Variants in PDE7A observed in about 807,000 individuals in gnomAD.
PDE7A encodes high affinity 3',5'-cyclic-AMP phosphodiesterase 7A.
A neutral mutation model predicts 64.3 loss-of-function variants in PDE7A; 39 were observed. That is an observed-to-expected ratio of 0.61 (90% CI 0.47 to 0.79). PDE7A has a LOEUF of 0.79. PDE7A is among the 30% of genes least tolerant of loss of function. The pLI, the probability that PDE7A is intolerant of heterozygous loss-of-function variation, is 0.00. For missense variants in PDE7A, 470 were observed against 582.8 expected (o/e 0.81, Z 1.99); for synonymous variants, 203 against 206.8 (o/e 0.98, Z 0.16).
chr8:65,740,955 T>C (rs951240670), intron 5 of PDE7A, among the ~76,000 whole-genome samples: 7 of 152,230 alleles, frequency 4.6e-5, no homozygotes, highest in Admixed American at 6.5e-5. Context: ...AAAGAGCTGC[T>C]ACACGCAATG....
At chr8:65,737,305 G>T (rs186689348) in intron 6 of PDE7A, among the ~76,000 whole-genome samples, 1 of 151,948 alleles carries the variant, frequency 6.6e-6, no homozygotes, top group Non-Finnish European at 1.5e-5. Flanking sequence ...AGGATGAAGG[G>T]ATAAACAGCC....
chr8:65,724,207 AAAAAAATG>A (rs1190365501), intron 11 of PDE7A, 40 bp downstream of exon 11: 7 of 1,233,726 alleles, frequency 5.7e-6, no homozygotes, highest in Non-Finnish European at 7.1e-6. Flanking sequence ...ACGATGTTAA[AAAAAAATG>A]AACTGGATAG....
chr8:65,750,474 CTGTG>C lies in PDE7A; in HGVS notation c.284-2675_284-2672del, dbSNP rs371620919. Among the ~76,000 whole-genome samples the C allele has an allele frequency of 5.3e-3, 763 of 142,726 alleles. 4 individuals carry two copies. Among genetic ancestry groups the C allele is most frequent in the African/African-American group, 0.018 (700 of 38,184 alleles). The allele number at this position is 142,726 out of a possible 152,430, so 93.6% of individuals were successfully genotyped here. The stretch of plus-strand genomic sequence containing the variant: ...TATGTATATATGTAAATTAGAATCA[CTGTG>C]TGTGTGTGTGTGTGTGTGTGTGTGT... On this transcript the variant is annotated intron_variant, in intron 3 of 12. Transcript: ENST00000401827.
At chr8:65,819,629 A>G (rs1810492532) in intron 1 of PDE7A, among the ~76,000 whole-genome samples, 2 of 152,266 alleles carry the variant, frequency 1.3e-5, no homozygotes, top group African/African-American at 4.8e-5. Context: ...CAACTGATAC[A>G]TTACATAATC....
At chr8:65,840,858 G>A (rs927079777) in intron 1 of PDE7A, among the ~76,000 whole-genome samples, 5 of 152,260 alleles carry the variant, frequency 3.3e-5, no homozygotes, top group Non-Finnish European at 7.3e-5. Context: ...AGGAGTCGGG[G>A]AGACTACAGC....
At chr8:65,773,668 T>C (rs1226162864) in intron 3 of PDE7A, among the ~76,000 whole-genome samples, 1 of 152,238 alleles carries the variant, frequency 6.6e-6, no homozygotes, top group Non-Finnish European at 1.5e-5. Flanking sequence ...AACATTGATA[T>C]GTTTGGTCTT....
Position 65,769,287 on chromosome 8 carries a change from A to G in PDE7A, c.283+10433T>C, listed in dbSNP as rs543140490. Among the ~76,000 whole-genome samples, 5 of 151,544 alleles carry G rather than the reference A, an allele frequency of 3.3e-5. No homozygotes were observed. In the East Asian group the frequency reaches 7.7e-4, roughly 23 times the overall value. ...AAAAAAAAGTAACAGATGCATGCAC[A>G]TATTTTTTTTAAAAAATTGTTATGA... On this transcript the variant is annotated intron_variant, in intron 3 of 12. Transcript: ENST00000401827.
chr8:65,731,983 A>ATTG (rs1175396332), intron 7 of PDE7A, among the ~76,000 whole-genome samples: 61 of 143,242 alleles, frequency 4.3e-4, no homozygotes, highest in African/African-American at 1.3e-3. Context: ...TATTATTATT[A>ATTG]TTATTGTTGT....
rs1215535139 is a variant in PDE7A at position 65,841,803 on chromosome 8, G to A, written c.-295C>T. On this transcript the variant is annotated 5_prime_UTR_variant, in exon 1 of 13. Coordinates refer to ENST00000401827, the MANE Select transcript of PDE7A (RefSeq NM_001242318.3). ...GGGCCAGCACAGGCAAAGTCGGAAAGGGAACCCCGCCGCCCTGGGGCTCCT... is the reference window on the plus strand; with the variant it reads ...GGGCCAGCACAGGCAAAGTCGGAAAAGGAACCCCGCCGCCCTGGGGCTCCT... 1 of 154,192 alleles carries A rather than the reference G, an allele frequency of 6.5e-6. No individual in the cohort carries two copies. Among genetic ancestry groups the A allele is most frequent in the East Asian group, 1.9e-4 (1 of 5,138 alleles). 9.6% of individuals were successfully genotyped at this position (154,192 alleles called of 1,614,324 possible). A position where few individuals can be genotyped will look rare whatever the true frequency, so the allele number is the denominator to read the frequency against.
intron 3 of PDE7A, among the ~76,000 whole-genome samples, chr8:65,756,892 T>C (rs1300830446): frequency 2.0e-5 from 3 of 152,092 alleles, no homozygotes; most frequent in Non-Finnish European, 4.4e-5. Context: ...TCCTCCAGGA[T>C]TGTTTATTTT....
At chr8:65,763,115 T>C (rs1808595242) in intron 3 of PDE7A, among the ~76,000 whole-genome samples, 1 of 151,976 alleles carries the variant, frequency 6.6e-6, no homozygotes, top group African/African-American at 2.4e-5. Context: ...AAAATTAGAT[T>C]AATGTTATGT....
Position 65,835,946 on chromosome 8 carries a change from T to C in PDE7A, c.138+5425A>G, listed in dbSNP as rs147172355. Among the ~76,000 whole-genome samples the C allele has an allele frequency of 3.8e-3, 581 of 152,328 alleles. 10 individuals carry two copies. Among genetic ancestry groups the C allele is most frequent in the Admixed American group, 0.034 (522 of 15,302 alleles). ...ACACTATGGATTTACATTAATATTA[T>C]GTTTGAGCATGTATCTGAAATATAA... On this transcript the variant is annotated intron_variant, in intron 1 of 12. Coordinates refer to ENST00000401827, the MANE Select transcript of PDE7A (RefSeq NM_001242318.3).
intron 1 of PDE7A, among the ~76,000 whole-genome samples, chr8:65,833,669 A>G (rs1434363678): frequency 6.6e-6 from 1 of 152,200 alleles, no homozygotes; most frequent in Non-Finnish European, 1.5e-5. Flanking sequence ...GTAAAGATCA[A>G]AAACACCAAC....
intron 2 of PDE7A, among the ~76,000 whole-genome samples, chr8:65,782,368 T>C (rs1809442998): frequency 6.6e-6 from 1 of 152,214 alleles, no homozygotes; most frequent in South Asian, 2.1e-4. Flanking sequence ...AGAAGTCAAA[T>C]GGTCTTCCTT....
rs1447525531 is a variant in PDE7A, at chr8:65,718,174, G to C, written c.*1116C>G. 6.6e-6 allele frequency: 1 copy of C among 152,162 alleles called. No individual in the cohort carries two copies. The highest frequency in any genetic ancestry group is 1.5e-5 in the Non-Finnish European group (1 of 68,048). 9.4% of individuals were successfully genotyped at this position (152,162 alleles called of 1,614,324 possible). A position where few individuals can be genotyped will look rare whatever the true frequency, so the allele number is the denominator to read the frequency against. On this transcript the variant is annotated 3_prime_UTR_variant, in exon 13 of 13. Transcript: ENST00000401827. The stretch of plus-strand genomic sequence containing the variant: ...ACCTACCAACCTTCCCCTCCCCCGA[G>C]TGTGGCTGCTCATTATGTCACATTC...
rs1020176735 is a variant in PDE7A at position 65,715,048 on chromosome 8, A to G, written c.*4242T>C. Among the ~76,000 whole-genome samples the G allele has an allele frequency of 1.3e-5, 2 of 152,210 alleles. No homozygotes were observed. The highest frequency in any genetic ancestry group is 2.9e-5 in the Non-Finnish European group (2 of 68,046). On this transcript the variant is annotated 3_prime_UTR_variant, in exon 13 of 13. Coordinates refer to ENST00000401827, the MANE Select transcript of PDE7A (RefSeq NM_001242318.3). Reference sequence around the variant, plus strand: ...TTACTCCTAGAGCAGAGACTCCCTCAGCCCCTGAAATGTTGAGCCAAGAGG... The same window carrying G: ...TTACTCCTAGAGCAGAGACTCCCTCGGCCCCTGAAATGTTGAGCCAAGAGG...
intron 3 of PDE7A, 121 bp from the exon 4 acceptor site, chr8:65,747,924 C>T (rs1807757446): frequency 2.0e-6 from 1 of 510,084 alleles, no homozygotes; most frequent in Non-Finnish European, 3.4e-6. Flanking sequence ...AATTATACCA[C>T]ATTTCCATGA....
chr8:65,817,527 C>A (rs1810437710), intron 1 of PDE7A, among the ~76,000 whole-genome samples: 1 of 152,134 alleles, frequency 6.6e-6, no homozygotes, highest in East Asian at 1.9e-4. Flanking sequence ...TGCATTTAGT[C>A]ATCATGTCTC....
Position 65,782,807 on chromosome 8 carries a change from T to C in PDE7A, c.175A>G (p.Thr59Ala), listed in dbSNP as rs779102525. The change falls in exon 2 of 13, where the codon ACT becomes GCT. Residue 59 changes from threonine to alanine, a missense_variant. Thr to Ala is a moderately conservative substitution (Grantham distance 58, BLOSUM62 0). Transcript: ENST00000401827. ...CCTAGCATACGAATGTATAATGCAG[T>C]CTGATCAGAACTGTCATAGGAAATA... ...GAISYDSSDQTALYIRMLGDV... is the reference protein window; with the variant it reads ...GAISYDSSDQAALYIRMLGDV... 2 of 1,591,806 alleles carry C rather than the reference T, an allele frequency of 1.3e-6. No homozygotes were observed. Among genetic ancestry groups the C allele is most frequent in the Non-Finnish European group, 1.7e-6 (2 of 1,161,142 alleles).
Sources: allele counts gnomAD v4.1 joint callset (sites outside exome capture counted in the v4.1 genomes callset), GRCh38; gene constraint gnomAD v4.1.1; transcripts MANE v1.5; gene names NCBI Gene and HGNC (gene_info 2026-07-23, HGNC 2026-07-21).